CAMTA1: variants seen among roughly 807,000 people sequenced by gnomAD.
The protein encoded by CAMTA1 is calmodulin-binding transcription activator 1.
A neutral mutation model predicts 170.9 loss-of-function variants in CAMTA1; 27 were observed. The ratio of observed to expected loss-of-function variants is 0.16; its 90% CI spans 0.12 to 0.22. The LOEUF is 0.22. CAMTA1 is among the 10% of genes least tolerant of loss of function. CAMTA1 has a pLI of 1.00. For missense variants in CAMTA1, 1,619 were observed against 2,217.2 expected (o/e 0.73, Z 5.42); for synonymous variants, 833 against 891.5 (o/e 0.93, Z 1.17).
intron 3 of CAMTA1, chr1:6,871,743 C>A (rs1668463071): frequency 6.5e-7 from 1 of 1,533,194 alleles, no homozygotes; most frequent in Non-Finnish European, 8.7e-7. Context: ...TACTGGAGCT[C>A]CTTTGTTTTG....
rs1461239031 is a variant in CAMTA1, at chr1:7,680,881, A to AGCT, written c.2914+3154_2914+3156dup. On this transcript the variant is annotated intron_variant, in intron 11 of 22. Transcript: ENST00000303635. The surrounding 1 kb of genome is among the most constrained non-coding windows in gnomAD (Gnocchi z 4.4). ...GCGCGCCAGCAGCAGCAGCAGCAGCAGCTGCTGCGGCGAAGTCTTTGTCCC... is the reference window on the plus strand; with the variant it reads ...GCGCGCCAGCAGCAGCAGCAGCAGCAGCTGCTGCTGCGGCGAAGTCTTTGTCCC... Among the ~76,000 whole-genome samples the AGCT allele has an allele frequency of 0.015, 2,304 of 148,936 alleles. 55 individuals are homozygous for AGCT. Among genetic ancestry groups the AGCT allele is most frequent in the African/African-American group, 0.053 (2,129 of 40,384 alleles).
chr1:7,328,805 C>T (rs2082853464), intron 5 of CAMTA1, among the ~76,000 whole-genome samples: 1 of 151,938 alleles, frequency 6.6e-6, no homozygotes, highest in African/African-American at 2.4e-5. Flanking sequence ...CCAAATCTGC[C>T]TTGTTGGTTT....
At chr1:7,056,373 C>A (rs1707322940) in intron 3 of CAMTA1, among the ~76,000 whole-genome samples, 1 of 152,108 alleles carries the variant, frequency 6.6e-6, no homozygotes, top group South Asian at 2.1e-4. Flanking sequence ...GAAGATGCAG[C>A]CCCCAGGTGG....
At chr1:7,639,887 T>C (rs1236613988) in intron 6 of CAMTA1, among the ~76,000 whole-genome samples, 1 of 152,150 alleles carries the variant, frequency 6.6e-6, no homozygotes. Flanking sequence ...GGGAGCTCCT[T>C]TTCCCCTTGG....
intron 6 of CAMTA1, among the ~76,000 whole-genome samples, chr1:7,550,217 G>A (rs2094780265): frequency 6.6e-6 from 1 of 152,108 alleles, no homozygotes; most frequent in Non-Finnish European, 1.5e-5. Flanking sequence ...CAGAGTGGTA[G>A]GAAGAGAAGC....
At chr1:7,368,676 C>T (rs1205048195) in intron 5 of CAMTA1, among the ~76,000 whole-genome samples, 1 of 152,182 alleles carries the variant, frequency 6.6e-6, no homozygotes, top group Non-Finnish European at 1.5e-5. Context: ...TCTCGTCTGC[C>T]CTCCCCTAAG....
chr1:6,924,100 C>T (rs1440884515), intron 3 of CAMTA1, among the ~76,000 whole-genome samples: 1 of 152,196 alleles, frequency 6.6e-6, no homozygotes, highest in Non-Finnish European at 1.5e-5. Flanking sequence ...CCTGGCTGGC[C>T]ACACGGCATG....
chr1:7,663,813 C>T lies in CAMTA1; in HGVS notation c.1266C>T (p.Leu422=). 1.9e-6 allele frequency: 3 copies of T among 1,614,180 alleles called. No homozygotes were observed. Among genetic ancestry groups the T allele is most frequent in the Non-Finnish European group, 2.5e-6 (3 of 1,180,028 alleles). Residue 422 remains leucine (L), a synonymous_variant, in exon 9 of 23, where the codon CTC becomes CTT. Coordinates refer to ENST00000303635, the MANE Select transcript of CAMTA1 (RefSeq NM_015215.4). ...MSPTAGPNHH[L]LSPDASQGLV... ...CCACCGCTGGCCCCAACCACCACCTCCTCTCACCTGACGCCTCTCAGGGCC... is the reference window on the plus strand; with the variant it reads ...CCACCGCTGGCCCCAACCACCACCTTCTCTCACCTGACGCCTCTCAGGGCC...
At chr1:7,240,863 T>G in intron 4 of CAMTA1, among the ~76,000 whole-genome samples, 1 of 152,164 alleles carries the variant, frequency 6.6e-6, no homozygotes, top group East Asian at 1.9e-4. Flanking sequence ...TACTTAATGA[T>G]GAAAGACTGT....
chr1:7,350,858 C>T (rs1557568603), intron 5 of CAMTA1, among the ~76,000 whole-genome samples: 1 of 152,216 alleles, frequency 6.6e-6, no homozygotes, highest in Admixed American at 6.5e-5. Context: ...CTGCCAGGAT[C>T]CTTTTAACTC....
intron 4 of CAMTA1, among the ~76,000 whole-genome samples, chr1:7,242,799 T>C (rs1323571873): frequency 2.7e-5 from 2 of 73,180 alleles, no homozygotes; most frequent in Non-Finnish European, 7.0e-5. Flanking sequence ...AATAAATAAA[T>C]AAATAAATAA....
chr1:7,302,401 C>T (rs981106632), intron 5 of CAMTA1, among the ~76,000 whole-genome samples: 1 of 152,146 alleles, frequency 6.6e-6, no homozygotes, highest in African/African-American at 2.4e-5. Flanking sequence ...CCTGTCTTTT[C>T]ATCCCCTGTT....
chr1:7,058,362 A>G (rs1474764969), intron 3 of CAMTA1, among the ~76,000 whole-genome samples: 3 of 152,166 alleles, frequency 2.0e-5, no homozygotes, highest in African/African-American at 7.2e-5. Flanking sequence ...GTGGAAAAAG[A>G]CATCCAAGCA....
At chr1:7,501,225 G>C (rs1292703907) in intron 6 of CAMTA1, among the ~76,000 whole-genome samples, 1 of 152,160 alleles carries the variant, frequency 6.6e-6, no homozygotes, top group African/African-American at 2.4e-5. Flanking sequence ...CCAGTCAGCA[G>C]AGCAAGGCAT....
At chr1:6,911,389 C>T (rs1186361067) in intron 3 of CAMTA1, among the ~76,000 whole-genome samples, 1 of 152,220 alleles carries the variant, frequency 6.6e-6, no homozygotes, top group Non-Finnish European at 1.5e-5. Context: ...GCTGAGCCAT[C>T]CTCCTGCCTG....
chr1:6,936,016 G>A (rs968445068), intron 3 of CAMTA1, among the ~76,000 whole-genome samples: 1 of 152,318 alleles, frequency 6.6e-6, no homozygotes, highest in African/African-American at 2.4e-5. Flanking sequence ...AAGGTTATGC[G>A]CCTGAGCCTG....
At chr1:7,235,539 A>G (rs1663661551) in intron 4 of CAMTA1, among the ~76,000 whole-genome samples, 2 of 152,184 alleles carry the variant, frequency 1.3e-5, no homozygotes, top group African/African-American at 4.8e-5. Context: ...AGGCAGGAGA[A>G]TTGCTTGAGC....
intron 4 of CAMTA1, among the ~76,000 whole-genome samples, chr1:7,220,696 G>C (rs1037717093): frequency 6.6e-5 from 10 of 152,226 alleles, no homozygotes; most frequent in African/African-American, 2.4e-4. Flanking sequence ...GCCAACATCT[G>C]AGCTGCATTT....
chr1:7,506,498 C>T (rs1255467987), intron 6 of CAMTA1, among the ~76,000 whole-genome samples: 1 of 151,848 alleles, frequency 6.6e-6, no homozygotes, highest in East Asian at 1.9e-4. Flanking sequence ...ACACTTCATA[C>T]TGAAACTCAA....
Sources: gnomAD v4.1 joint callset for allele counts (sites outside exome capture counted in the v4.1 genomes callset) on GRCh38, gnomAD v4.1.1 for gene constraint, Gnocchi (gnomAD v3.1) non-coding constraint, MANE v1.5 for transcripts, NCBI Gene and HGNC (gene_info 2026-07-23, HGNC 2026-07-21) for gene names.